KIAA0319L: variants seen among roughly 807,000 people sequenced by gnomAD.
KIAA0319L encodes dyslexia-associated protein KIAA0319-like protein.
Under a neutral mutation model 120.1 loss-of-function variants are expected in KIAA0319L, and 55 were observed. That is an observed-to-expected ratio of 0.46 (90% confidence interval 0.37 to 0.57). The LOEUF (loss-of-function observed/expected upper bound fraction) is 0.57. Among genes scored for constraint, KIAA0319L ranks in the 20% least tolerant of loss-of-function variants. The pLI is 0.00. For synonymous variants in KIAA0319L, 398 were observed against 471.9 expected, an observed-to-expected ratio of 0.84 and a Z score of 2.03; for missense variants, 1,049 against 1,255.3, an observed-to-expected ratio of 0.84 and a Z score of 2.48.
intron 9 of KIAA0319L, among the ~76,000 whole-genome samples, chr1:35,459,275 G>T (rs76586332): frequency 6.6e-6 from 1 of 152,152 alleles, no homozygotes; most frequent in East Asian, 1.9e-4. Flanking sequence ...TCAAGTCAAG[G>T]AGTGAAGTGG....
At chr1:35,487,072 A>G (rs1644417699) in intron 3 of KIAA0319L, among the ~76,000 whole-genome samples, 1 of 151,870 alleles carries the variant, frequency 6.6e-6, no homozygotes, top group Non-Finnish European at 1.5e-5. Flanking sequence ...GTTCCTGTGC[A>G]TGTCTGGTAA....
chr1:35,557,495 C>T (rs1171161295), upstream of KIAA0319L: 3 of 357,978 alleles, frequency 8.4e-6, no homozygotes, highest in East Asian at 7.8e-5. Flanking sequence ...AGGGCAATGC[C>T]GGCCGCGAGA....
At chr1:35,457,495 C>CAAAA (rs77520648) in intron 9 of KIAA0319L, among the ~76,000 whole-genome samples, 1 of 61,070 alleles carries the variant, frequency 1.6e-5, no homozygotes, top group African/African-American at 6.4e-5. Flanking sequence ...ACAGGATTTG[C>CAAAA]AAAAAAAAAA....
chr1:35,444,486 G>A (rs1284986694), intron 16 of KIAA0319L, among the ~76,000 whole-genome samples, 183 bp from the exon 17 acceptor site: 1 of 152,190 alleles, frequency 6.6e-6, no homozygotes, highest in Non-Finnish European at 1.5e-5. Context: ...GAACAACACT[G>A]GGGCTTTGTA....
At chr1:35,543,031 A>C (rs1558653565) in intron 2 of KIAA0319L, among the ~76,000 whole-genome samples, 1 of 152,216 alleles carries the variant, frequency 6.6e-6, no homozygotes, top group Non-Finnish European at 1.5e-5. Flanking sequence ...AACCCACCAA[A>C]ATTATGGTTT....
At chr1:35,540,223 A>T (rs1214200501) in intron 2 of KIAA0319L, among the ~76,000 whole-genome samples, 2 of 152,192 alleles carry the variant, frequency 1.3e-5, no homozygotes, top group Non-Finnish European at 2.9e-5. Context: ...CCCTTTGGAC[A>T]GCGTCTGTGA....
At chr1:35,508,630 A>C (rs1312670994) in intron 2 of KIAA0319L, among the ~76,000 whole-genome samples, 5 of 152,186 alleles carry the variant, frequency 3.3e-5, no homozygotes, top group African/African-American at 7.2e-5. Flanking sequence ...ACTACGAAAA[A>C]AAAATCAAGC....
intron 2 of KIAA0319L, among the ~76,000 whole-genome samples, chr1:35,543,827 C>T (rs1646883258): frequency 2.0e-5 from 3 of 152,156 alleles, no homozygotes; most frequent in Admixed American, 2.0e-4. Context: ...GATAATTAAT[C>T]TCTCCCACCC....
chr1:35,526,789 G>A (rs959824708), intron 2 of KIAA0319L, among the ~76,000 whole-genome samples: 1 of 151,946 alleles, frequency 6.6e-6, no homozygotes, highest in African/African-American at 2.4e-5. Flanking sequence ...TTAGAGGTGG[G>A]GTACAGTGGA....
At position 35,525,467 on chromosome 1, in the gene KIAA0319L, T is replaced by C. The variant is rs376756196; in HGVS notation, c.143-18332A>G. On this transcript the variant is annotated intron_variant, in intron 2 of 20. Coordinates refer to ENST00000325722, the MANE Select transcript of KIAA0319L (RefSeq NM_024874.5). ...CTGTACTACTTTACATTCCCTCCAA[T>C]AGTATATGAGAGTTCTCTTTTTTCC... Among the ~76,000 whole-genome samples the C allele has an allele frequency of 1.6e-4, 25 of 152,276 alleles. No homozygotes were observed. In the East Asian group the frequency reaches 4.4e-3, roughly 27 times the overall value.
intron 8 of KIAA0319L, among the ~76,000 whole-genome samples, chr1:35,462,308 T>A (rs1642954636): frequency 6.6e-6 from 1 of 152,160 alleles, no homozygotes; most frequent in African/African-American, 2.4e-5. Flanking sequence ...AAAAGGCAAC[T>A]CCAACTAAGC....
intron 3 of KIAA0319L, among the ~76,000 whole-genome samples, chr1:35,485,383 G>T (rs544892952): frequency 6.6e-6 from 1 of 152,202 alleles, no homozygotes; most frequent in African/African-American, 2.4e-5. Context: ...TCTGGGCAGG[G>T]GTTGCTCATA....
At chr1:35,553,982 C>A (rs1647555357) in intron 2 of KIAA0319L, among the ~76,000 whole-genome samples, 2 of 152,312 alleles carry the variant, frequency 1.3e-5, no homozygotes, top group African/African-American at 4.8e-5. Flanking sequence ...GAGTGCTGTG[C>A]TACATGCTTT....
At chr1:35,547,993 C>A (rs1337090132) in intron 2 of KIAA0319L, among the ~76,000 whole-genome samples, 3 of 151,816 alleles carry the variant, frequency 2.0e-5, no homozygotes, top group African/African-American at 4.8e-5. Context: ...TGGTGGTGCA[C>A]CCCTGTAGTC....
intron 10 of KIAA0319L, among the ~76,000 whole-genome samples, chr1:35,455,573 A>AT (rs551358599): frequency 0.049 from 4,572 of 93,426 alleles, 44 homozygotes; most frequent in Non-Finnish European, 0.074. Flanking sequence ...ATTTAAGATA[A>AT]TTTTTTTTTT....
intron 6 of KIAA0319L, 139 bp from the exon 7 acceptor site, chr1:35,466,834 C>T (rs763514231): frequency 1.1e-5 from 7 of 640,616 alleles, no homozygotes; most frequent in Middle Eastern, 4.3e-4. Context: ...GGTAAAGTAG[C>T]CTGTAATCCT....
At chr1:35,530,383 T>C (rs1558610975) in intron 2 of KIAA0319L, among the ~76,000 whole-genome samples, 1 of 152,174 alleles carries the variant, frequency 6.6e-6, no homozygotes, top group African/African-American at 2.4e-5. Flanking sequence ...AAGCTCTCAA[T>C]TGCCTTTTTT....
intron 16 of KIAA0319L, among the ~76,000 whole-genome samples, chr1:35,446,033 T>G (rs1280130877): frequency 6.6e-6 from 1 of 152,188 alleles, no homozygotes; most frequent in Non-Finnish European, 1.5e-5. Flanking sequence ...TACTTATCCC[T>G]AATCGTGCTA....
intron 18 of KIAA0319L, 110 bp from the exon 19 acceptor site, chr1:35,442,446 T>C (rs1474917385): frequency 3.3e-5 from 27 of 809,302 alleles, no homozygotes; most frequent in Admixed American, 9.1e-5. Context: ...CAAGAATGCC[T>C]CAGGCTCCCC....
Sources: allele counts gnomAD v4.1 joint callset (sites outside exome capture counted in the v4.1 genomes callset), GRCh38; gene constraint gnomAD v4.1.1; transcripts MANE v1.5; gene names NCBI Gene and HGNC (gene_info 2026-07-23, HGNC 2026-07-21).